The following SLIT3 variants were observed in gnomAD, a reference collection of about 807,000 sequenced individuals.
The protein encoded by SLIT3 is slit guidance ligand 3.
A neutral mutation model predicts 184.0 loss-of-function variants in SLIT3; 68 were observed. The observed-to-expected ratio is 0.37, with a 90% CI of 0.30 to 0.45. The LOEUF (loss-of-function observed/expected upper bound fraction) is 0.45, where lower values mean the gene tolerates loss of function less well. Among genes scored for constraint, SLIT3 ranks in the 20% least tolerant of loss-of-function variants. SLIT3 has a pLI of 1.00. For missense variants in SLIT3, 1,707 were observed against 2,026.0 expected, an observed-to-expected ratio of 0.84 and a Z score of 3.02; for synonymous variants, 831 against 828.6, an observed-to-expected ratio of 1.00 and a Z score of -0.05.
chr5:169,240,368 T>C (rs1032633293), intron 3 of SLIT3, among the ~76,000 whole-genome samples: 1 of 151,878 alleles, frequency 6.6e-6, no homozygotes, highest in Admixed American at 6.6e-5. Context: ...TTGTCTATTT[T>C]TTTTTTAGTT....
At chr5:168,862,579 C>T (rs1481837058) in intron 5 of SLIT3, among the ~76,000 whole-genome samples, 1 of 152,162 alleles carries the variant, frequency 6.6e-6, no homozygotes, top group East Asian at 1.9e-4. Flanking sequence ...GAATCACCAT[C>T]ACTCAGCCAC....
At chr5:169,128,403 T>C (rs1266033736) in intron 4 of SLIT3, among the ~76,000 whole-genome samples, 1 of 151,924 alleles carries the variant, frequency 6.6e-6, no homozygotes. Context: ...GGCTCTTCCA[T>C]CCTGTAGTGT....
chr5:168,956,837 T>C (rs1291687366), intron 4 of SLIT3, among the ~76,000 whole-genome samples: 1 of 151,634 alleles, frequency 6.6e-6, no homozygotes, highest in Admixed American at 6.6e-5. Flanking sequence ...GATTTTGAAA[T>C]ACTGCTGAGA....
chr5:168,780,845 C>T (rs1452371970), intron 12 of SLIT3, among the ~76,000 whole-genome samples: 3 of 152,156 alleles, frequency 2.0e-5, no homozygotes, highest in Non-Finnish European at 4.4e-5. Flanking sequence ...TAATTTAGAC[C>T]TTCAGCAACC....
chr5:168,910,745 CAA>C (rs11308973), intron 4 of SLIT3, among the ~76,000 whole-genome samples: 180 of 111,954 alleles, frequency 1.6e-3, no homozygotes, highest in African/African-American at 3.5e-3. Context: ...GACTCTGTCT[CAA>C]AAAAAAAAAA....
At chr5:169,219,012 T>G (rs1462047538) in intron 3 of SLIT3, among the ~76,000 whole-genome samples, 2 of 152,128 alleles carry the variant, frequency 1.3e-5, no homozygotes, top group Non-Finnish European at 2.9e-5. Flanking sequence ...GACTTACAGT[T>G]CAAGACAGAC....
At chr5:169,014,737 G>A (rs1428792183) in intron 4 of SLIT3, among the ~76,000 whole-genome samples, 1 of 152,194 alleles carries the variant, frequency 6.6e-6, no homozygotes, top group African/African-American at 2.4e-5. Context: ...GATCATCTGA[G>A]GTCAGGAGTT....
intron 20 of SLIT3, among the ~76,000 whole-genome samples, chr5:168,725,048 T>C (rs1440107331): frequency 6.6e-6 from 1 of 152,194 alleles, no homozygotes; most frequent in East Asian, 1.9e-4. Flanking sequence ...TGACTATCTC[T>C]GATGTACATT....
rs377147306 is a variant in SLIT3, at chr5:168,985,919, C to T, written c.414-102583G>A. Among the ~76,000 whole-genome samples, 102 of 152,178 alleles carry T rather than the reference C, an allele frequency of 6.7e-4. 1 individual carries two copies. The South Asian group carries it at 0.018, about 27-fold the overall frequency. On this transcript the variant is annotated intron_variant, in intron 4 of 35. Transcript: ENST00000519560. ...CTGGTTAAATCATGCCTGGGAGTGC[C>T]GCACTCCCAAGCTTTTCAGACCCAT...
intron 1 of SLIT3, among the ~76,000 whole-genome samples, chr5:169,294,364 C>T (rs928075806): frequency 6.6e-6 from 1 of 151,850 alleles, no homozygotes; most frequent in African/African-American, 2.4e-5. Flanking sequence ...CAAAGCAACA[C>T]ACCCATGGAA....
chr5:168,895,333 C>T (rs566031202), intron 4 of SLIT3, among the ~76,000 whole-genome samples: 36 of 152,208 alleles, frequency 2.4e-4, no homozygotes, highest in South Asian at 8.3e-4. Context: ...GCCTGGGCTG[C>T]GGCTGCCCAG....
At chr5:169,201,727 T>C (rs1316021581) in intron 3 of SLIT3, among the ~76,000 whole-genome samples, 2 of 152,218 alleles carry the variant, frequency 1.3e-5, no homozygotes, top group African/African-American at 4.8e-5. Context: ...AAGGCTGCTG[T>C]GCCAGGGGAA....
chr5:168,867,840 C>G (rs57022161), intron 5 of SLIT3, among the ~76,000 whole-genome samples: 1 of 152,052 alleles, frequency 6.6e-6, no homozygotes, highest in African/African-American at 2.4e-5. Context: ...ATTATTGACA[C>G]CTGCAGCTGC....
At chr5:168,854,625 T>G (rs184451055) in intron 5 of SLIT3, among the ~76,000 whole-genome samples, 53 of 152,298 alleles carry the variant, frequency 3.5e-4, no homozygotes, top group African/African-American at 1.2e-3. Context: ...TCCGGAGAAA[T>G]GGTTCTCTTT....
intron 5 of SLIT3, among the ~76,000 whole-genome samples, chr5:168,851,771 C>T (rs368721565): frequency 2.6e-5 from 4 of 152,294 alleles, no homozygotes; most frequent in African/African-American, 7.2e-5. Context: ...CCTGTTATAC[C>T]CCATGGGGCT....
At chr5:168,977,742 C>CT (rs879716236) in intron 4 of SLIT3, among the ~76,000 whole-genome samples, 99 of 148,900 alleles carry the variant, frequency 6.6e-4, no homozygotes, top group Middle Eastern at 3.5e-3. Flanking sequence ...TCAATAAATG[C>CT]TTTTTTTTTT....
chr5:169,134,836 T>C (rs911722104), intron 4 of SLIT3, among the ~76,000 whole-genome samples: 2 of 152,230 alleles, frequency 1.3e-5, no homozygotes, highest in African/African-American at 4.8e-5. Flanking sequence ...TGGCATTTAT[T>C]GCAGCTTGGA....
intron 5 of SLIT3, among the ~76,000 whole-genome samples, chr5:168,865,052 C>T (rs1248557549): frequency 6.6e-6 from 1 of 151,642 alleles, no homozygotes; most frequent in Non-Finnish European, 1.5e-5. Flanking sequence ...CCTGTAATCC[C>T]AGCTACTTGG....
intron 4 of SLIT3, among the ~76,000 whole-genome samples, chr5:169,008,444 T>C (rs1380851281): frequency 1.3e-5 from 2 of 152,116 alleles, no homozygotes; most frequent in Non-Finnish European, 2.9e-5. Flanking sequence ...TAGCAATAGC[T>C]AGAGCTGGCA....
Sources: allele counts gnomAD v4.1 joint callset (sites outside exome capture counted in the v4.1 genomes callset), GRCh38; gene constraint gnomAD v4.1.1; transcripts MANE v1.5; gene names NCBI Gene and HGNC (gene_info 2026-07-23, HGNC 2026-07-21).